KCNH3: variants seen among roughly 807,000 people sequenced by gnomAD.
KCNH3 encodes voltage-gated inwardly rectifying potassium channel KCNH3.
In KCNH3, 36 loss-of-function variants were observed where a neutral mutation model predicts 95.6. The observed-to-expected ratio is 0.38, with a 90% CI of 0.29 to 0.50. KCNH3 has a LOEUF of 0.50. Ranked by LOEUF, KCNH3 falls within the 20% of genes least tolerant of loss-of-function variation. The pLI is 0.95. For missense variants in KCNH3, 1,030 were observed against 1,484.1 expected (o/e 0.69, Z 5.03); for synonymous variants, 620 against 646.3 (o/e 0.96, Z 0.62).
In KCNH3 at chr12:49,539,877, C is replaced by A. The variant is rs1937812394; in HGVS notation, c.76+385C>A. On this transcript the variant is annotated intron_variant, in intron 1 of 14. Transcript: ENST00000257981. The surrounding 1 kb of genome is among the most constrained non-coding windows in gnomAD (Gnocchi z 6.7). ...GCGGGTGAACAGTGCTCAGGGACAG[C>A]TGAGAGGGCTCAAAACACAGATTTA... Among the ~76,000 whole-genome samples, 2 of 152,178 alleles carry A rather than the reference C, an allele frequency of 1.3e-5. No individual in the cohort carries two copies. Among genetic ancestry groups the A allele is most frequent in the South Asian group, 4.1e-4 (2 of 4,836 alleles).
rs759332409 is a variant in KCNH3, at chr12:49,556,428, G to A, written c.2527G>A (p.Val843Met). ...GSDQPKFSFR[V>M]GQSGPECSSS... The stretch of plus-strand genomic sequence containing the variant: ...GGACCAGCCCAAGTTCTCTTTCCGC[G>A]TGGGCCAGTCTGGCCCGGAATGTAG... The change falls in exon 13 of 15, where the codon GTG becomes ATG. Residue 843 changes from valine (V) to methionine (M), a missense_variant. Physicochemically the swap from Val to Met is conservative, Grantham distance 21. Around this residue, in one of 9 missense-constraint regions of KCNH3, gnomAD observed 464 missense variants for 493.2 expected, o/e 0.94. Coordinates refer to ENST00000257981, the MANE Select transcript of KCNH3 (RefSeq NM_012284.3). 2.6e-5 allele frequency: 42 copies of A among 1,613,908 alleles called. 1 individual carries two copies. The South Asian group carries it at 3.6e-4, about 14-fold the overall frequency.
At chr12:49,547,756 C>T (rs1414199322) in intron 7 of KCNH3, among the ~76,000 whole-genome samples, 1 of 152,106 alleles carries the variant, frequency 6.6e-6, no homozygotes, top group Non-Finnish European at 1.5e-5. Flanking sequence ...GTGGGAGGAG[C>T]AGGGCACAAG....
rs1406466792 is a variant in KCNH3 at position 49,543,213 on chromosome 12, T to G, written c.580-62T>G. ...AGGTGGATGCGGGTCCCAGACTCTA[T>G]CCAAACTCAGCCTGTGCCAATATTC... On this transcript the variant is annotated intron_variant, in intron 4 of 14. Transcript: ENST00000257981. 8.9e-6 allele frequency: 14 copies of G among 1,566,382 alleles called. No homozygotes were observed. The East Asian group carries it at 3.3e-4, about 37-fold the overall frequency.
At chr12:49,549,983 G>A in intron 9 of KCNH3, 97 bp from the exon 10 acceptor site, 1 of 1,344,598 alleles carries the variant, frequency 7.4e-7, no homozygotes, top group Non-Finnish European at 1.0e-6. Context: ...TGCCTCCCCT[G>A]TTCCTGAGGC....
At position 49,549,406 on chromosome 12, in the gene KCNH3, C is replaced by T. The variant is rs756994122; in HGVS notation, c.1469-35C>T. Reference sequence around the variant, plus strand: ...AGCGTGGTGTCAGGCCGGGCCAGGTCCCCTAGGTGACCCCCTCTCGTCACC... The same window carrying T: ...AGCGTGGTGTCAGGCCGGGCCAGGTTCCCTAGGTGACCCCCTCTCGTCACC... On this transcript the variant is annotated intron_variant, in intron 8 of 14. Coordinates refer to ENST00000257981, the MANE Select transcript of KCNH3 (RefSeq NM_012284.3). The T allele has an allele frequency of 1.2e-5, 19 of 1,607,620 alleles. No individual in the cohort carries two copies. In the East Asian group the frequency reaches 1.8e-4, roughly 15 times the overall value.
At chr12:49,540,182 A>G (rs1287500388) in intron 1 of KCNH3, among the ~76,000 whole-genome samples, 1 of 152,026 alleles carries the variant, frequency 6.6e-6, no homozygotes, top group East Asian at 1.9e-4. Flanking sequence ...CTCTCTGCCT[A>G]GGTCCTCCTT....
At position 49,549,181 on chromosome 12, in the gene KCNH3, C is replaced by G. The variant is rs1394294898; in HGVS notation, c.1468+8C>G. The G allele has an allele frequency of 2.5e-6, 4 of 1,570,858 alleles. No individual in the cohort carries two copies. In the Admixed American group the frequency reaches 5.4e-5, roughly 21 times the overall value. On this transcript the variant is annotated splice_region_variant and intron_variant, in intron 8 of 14. Coordinates refer to ENST00000257981, the MANE Select transcript of KCNH3 (RefSeq NM_012284.3). ...GCACCATGCTCATCGGCGGTGAGCC[C>G]GGCCGCGCGCGTCTTCCCGGGGCCA...
chr12:49,547,975 G>A (rs1938116675), intron 7 of KCNH3, among the ~76,000 whole-genome samples: 1 of 152,180 alleles, frequency 6.6e-6, no homozygotes, highest in African/African-American at 2.4e-5. Flanking sequence ...GTGACTCCCA[G>A]CACACAGCCT....
intron 1 of KCNH3, among the ~76,000 whole-genome samples, chr12:49,540,196 C>A (rs1937824424): frequency 6.6e-6 from 1 of 152,168 alleles, no homozygotes; most frequent in Non-Finnish European, 1.5e-5. Context: ...CCTCCTTGGT[C>A]TCCGGTTCCT....
In KCNH3 at chr12:49,556,480, C is replaced by G; in HGVS notation, c.2575+4C>G. 2 of 1,608,368 alleles carry G rather than the reference C, an allele frequency of 1.2e-6. No individual in the cohort carries two copies. Among genetic ancestry groups the G allele is most frequent in the Non-Finnish European group, 8.5e-7 (1 of 1,174,926 alleles). Reference sequence around the variant, plus strand: ...AGCAGCCCCTCCCCTGGACCAGGTACCAGGGCCCCGGGATGGTCTAGGTTG... The same window carrying G: ...AGCAGCCCCTCCCCTGGACCAGGTAGCAGGGCCCCGGGATGGTCTAGGTTG... On this transcript the variant is annotated splice_donor_region_variant and intron_variant, in intron 13 of 14. Transcript: ENST00000257981.
rs1277282109 is a variant in KCNH3 at position 49,555,889 on chromosome 12, G to A, written c.2406G>A (p.Arg802=). 2.5e-6 allele frequency: 4 copies of A among 1,604,138 alleles called. No individual in the cohort carries two copies. Among genetic ancestry groups the A allele is most frequent in the East Asian group, 2.2e-5 (1 of 44,686 alleles). Residue 802 remains arginine, a synonymous_variant, in exon 12 of 15, where the codon CGG becomes CGA. Coordinates refer to ENST00000257981, the MANE Select transcript of KCNH3 (RefSeq NM_012284.3). ...KAEAGPSAPP[R]ALEGLRLPPM... is the part of the protein sequence containing the mutation. ...AGGCTGGCCCCTCTGCTCCCCCACG[G>A]GCCCTAGAGGGGCTACGGCTGCCCC...
In KCNH3 at chr12:49,542,692, CTCT is replaced by C. The variant is rs777943445; in HGVS notation, c.446-9_446-7del. On this transcript the variant is annotated splice_polypyrimidine_tract_variant and intron_variant, in intron 3 of 14. Transcript: ENST00000257981. ...ACACACCCATCATCTTCATGGGCCC[CTCT>C]TCTTTCGCAGGTGGTGGCCGGCGCC... is the stretch of plus-strand genomic sequence containing the variant. The C allele has an allele frequency of 8.3e-6, 13 of 1,562,044 alleles. No homozygotes were observed. The African/African-American group carries it at 1.6e-4, about 20-fold the overall frequency.
At chr12:49,557,082 C>G in intron 13 of KCNH3, 101 bp from the exon 14 acceptor site, 1 of 1,152,758 alleles carries the variant, frequency 8.7e-7, no homozygotes, top group Non-Finnish European at 1.3e-6. Flanking sequence ...GAGTCAGGTC[C>G]TACCAGGTCA....
intron 10 of KCNH3, among the ~76,000 whole-genome samples, chr12:49,552,283 C>T (rs950138890): frequency 3.9e-5 from 6 of 152,184 alleles, no homozygotes; most frequent in Non-Finnish European, 7.3e-5. Flanking sequence ...GTGCCAGGCA[C>T]CACGTCTCAG....
intron 5 of KCNH3, 92 bp from the exon 6 acceptor site, chr12:49,543,823 C>G: frequency 6.7e-7 from 1 of 1,484,190 alleles, no homozygotes. Context: ...GGGCCGGGGA[C>G]AGTGTCAACT....
chr12:49,542,736 G>A lies in KCNH3; in HGVS notation c.476G>A (p.Arg159Gln), dbSNP rs201408718. 3.2e-6 allele frequency: 5 copies of A among 1,586,570 alleles called. No homozygotes were observed. Among genetic ancestry groups the A allele is most frequent in the East Asian group, 2.3e-5 (1 of 43,760 alleles). The change falls in exon 4 of 15, where the codon CGA becomes CAA. Residue 159 changes from arginine to glutamine, a missense_variant. Coordinates refer to ENST00000257981, the MANE Select transcript of KCNH3 (RefSeq NM_012284.3). ...GGGRRRYGRA[R>Q]SKGFNANRRR... ...GGCCGGCGCCGATATGGCCGGGCAC[G>A]ATCCAAAGGCTTCAATGCCAACCGG...
Position 49,542,751 on chromosome 12 carries a change from A to G in KCNH3, c.491A>G (p.Asn164Ser), listed in dbSNP as rs760404335. 2.5e-6 allele frequency: 4 copies of G among 1,590,244 alleles called. No individual in the cohort carries two copies. Among genetic ancestry groups the G allele is most frequent in the East Asian group, 2.3e-5 (1 of 43,980 alleles). The change falls in exon 4 of 15, where the codon AAT (asparagine) becomes AGT (serine). Residue 164 changes from asparagine to serine, a missense_variant. By Grantham distance (46) the Asn-to-Ser change is conservative. Around this residue, in one of 9 missense-constraint regions of KCNH3, gnomAD observed 92 missense variants for 92.7 expected, o/e 0.99. Transcript: ENST00000257981. ...GGCCGGGCACGATCCAAAGGCTTCA[A>G]TGCCAACCGGCGGCGGAGCCGGGCC... ...RYGRARSKGF[N>S]ANRRRSRAVL... is the part of the protein sequence containing the mutation.
chr12:49,558,024 G>A lies in KCNH3; in HGVS notation c.*71G>A, dbSNP rs1334876251. The A allele has an allele frequency of 2.1e-6, 3 of 1,409,494 alleles. No individual in the cohort carries two copies. Among genetic ancestry groups the A allele is most frequent in the East Asian group, 4.9e-5 (2 of 40,986 alleles). The allele number at this position is 1,409,494 out of a possible 1,614,324, so 87.3% of individuals were successfully genotyped here. On this transcript the variant is annotated 3_prime_UTR_variant, in exon 15 of 15. Coordinates refer to ENST00000257981, the MANE Select transcript of KCNH3 (RefSeq NM_012284.3). ...TGTTCGGCCCAACCTCAGAGTGAAG[G>A]CAGGGTGGCAGCCTCCCCACGGACT...
chr12:49,552,181 G>C (rs1018071662), intron 10 of KCNH3, among the ~76,000 whole-genome samples: 1 of 152,242 alleles, frequency 6.6e-6, no homozygotes, highest in Non-Finnish European at 1.5e-5. Context: ...GGATTGACGA[G>C]TGGATTACGA....
Sources: gnomAD v4.1 joint callset for allele counts (sites outside exome capture counted in the v4.1 genomes callset) on GRCh38, gnomAD v4.1.1 for gene constraint, gnomAD v4.1.1 regional missense constraint, Gnocchi (gnomAD v3.1) non-coding constraint, MANE v1.5 for transcripts, NCBI Gene and HGNC (gene_info 2026-07-23, HGNC 2026-07-21) for gene names.